Variants in EMCN observed in about 807,000 individuals in gnomAD.
EMCN encodes endomucin.
In EMCN, 37 loss-of-function variants were observed where a neutral mutation model predicts 38.4. That is an observed-to-expected ratio of 0.96 (90% confidence interval 0.74 to 1.27). The LOEUF (loss-of-function observed/expected upper bound fraction) is 1.27. EMCN is among the 50% of genes most tolerant of loss of function. The probability of loss-of-function intolerance (pLI) is 0.00; values close to 1 mark genes in which losing one functional copy is unlikely to be tolerated. For synonymous variants in EMCN, 95 were observed against 100.8 expected, an observed-to-expected ratio of 0.94 and a Z score of 0.35; for missense variants, 318 against 302.8, an observed-to-expected ratio of 1.05 and a Z score of -0.37.
intron 1 of EMCN, among the ~76,000 whole-genome samples, chr4:100,498,677 G>A (rs913784279): frequency 6.6e-6 from 1 of 151,988 alleles, no homozygotes; most frequent in African/African-American, 2.4e-5. Context: ...CCTGACCTCA[G>A]GTGATCCACC....
At position 100,417,952 on chromosome 4, in the gene EMCN, C is replaced by G. The variant is rs1433258; in HGVS notation, c.665-811G>C. Among the ~76,000 whole-genome samples the G allele has an allele frequency of 4.0e-3, 615 of 152,308 alleles. 8 individuals carry two copies. Among genetic ancestry groups the G allele is most frequent in the African/African-American group, 0.014 (583 of 41,578 alleles). On this transcript the variant is annotated intron_variant, in intron 8 of 11. Coordinates refer to ENST00000296420, the MANE Select transcript of EMCN (RefSeq NM_016242.4). ...TCTTAGATTTCCTTTTATATGTAAT[C>G]TAAATCTTGTCATTGAGTATGCCCT...
chr4:100,502,257 A>T (rs1228881185), intron 1 of EMCN, among the ~76,000 whole-genome samples: 1 of 152,184 alleles, frequency 6.6e-6, no homozygotes, highest in Non-Finnish European at 1.5e-5. Flanking sequence ...GGGCCATGTT[A>T]CCTGCACATG....
At chr4:100,402,616 A>C (rs1334840218) in intron 11 of EMCN, among the ~76,000 whole-genome samples, 1 of 152,212 alleles carries the variant, frequency 6.6e-6, no homozygotes, top group Non-Finnish European at 1.5e-5. Flanking sequence ...TCTTCAGAAC[A>C]TCATTATATA....
Position 100,435,599 on chromosome 4 carries a change from G to A in EMCN, c.415+11934C>T, listed in dbSNP as rs570662543. ...TCCTCAGCAAAAAAGAACAAAGCTG[G>A]AGGCATCACCCTACCTGACTTCAAA... On this transcript the variant is annotated intron_variant, in intron 5 of 11. Coordinates refer to ENST00000296420, the MANE Select transcript of EMCN (RefSeq NM_016242.4). 2.0e-5 allele frequency among the ~76,000 whole-genome samples: 3 copies of A among 152,234 alleles called. No homozygotes were observed. The South Asian group carries it at 6.2e-4, about 32-fold the overall frequency.
intron 3 of EMCN, among the ~76,000 whole-genome samples, chr4:100,471,836 T>A (rs1165086334): frequency 6.6e-6 from 1 of 152,000 alleles, no homozygotes; most frequent in Non-Finnish European, 1.5e-5. Context: ...AAAAACATGA[T>A]AATCTCAATA....
In EMCN at chr4:100,460,752, C is replaced by T. The variant is rs1407455095; in HGVS notation, c.376+4671G>A. Among the ~76,000 whole-genome samples the T allele has an allele frequency of 4.6e-5, 7 of 152,166 alleles. No individual in the cohort carries two copies. The East Asian group carries it at 1.3e-3, about 29-fold the overall frequency. ...AACCATTATCAATAGGTTATCTCTT[C>T]ACCCCGTTGATTGTTTCCTTTTCTG... is the stretch of plus-strand genomic sequence containing the variant. On this transcript the variant is annotated intron_variant, in intron 4 of 11. Transcript: ENST00000296420.
At chr4:100,504,392 G>A (rs1254073125) in intron 1 of EMCN, among the ~76,000 whole-genome samples, 1 of 152,166 alleles carries the variant, frequency 6.6e-6, no homozygotes, top group African/African-American at 2.4e-5. Context: ...GCAAGAGACC[G>A]AGGGCACGAA....
intron 5 of EMCN, among the ~76,000 whole-genome samples, chr4:100,437,238 G>T (rs1727380570): frequency 6.6e-6 from 1 of 152,102 alleles, no homozygotes; most frequent in Non-Finnish European, 1.5e-5. Flanking sequence ...TTCACAAAAT[G>T]TCTATTCAGG....
chr4:100,437,600 C>A (rs1036910926), intron 5 of EMCN, among the ~76,000 whole-genome samples: 1 of 152,092 alleles, frequency 6.6e-6, no homozygotes, highest in Non-Finnish European at 1.5e-5. Flanking sequence ...AAGATAGGGT[C>A]CAATTTCATT....
intron 1 of EMCN, among the ~76,000 whole-genome samples, chr4:100,511,598 G>A (rs1729625983): frequency 6.6e-6 from 1 of 152,082 alleles, no homozygotes; most frequent in Non-Finnish European, 1.5e-5. Context: ...AACAGAATCT[G>A]TTTAGAATAT....
chr4:100,506,271 G>C (rs981972940), intron 1 of EMCN, among the ~76,000 whole-genome samples: 3 of 152,122 alleles, frequency 2.0e-5, no homozygotes, highest in Admixed American at 6.5e-5. Context: ...GGCAAGCCTA[G>C]TTAATTGTAG....
At chr4:100,459,578 C>G (rs1194842442) in intron 4 of EMCN, among the ~76,000 whole-genome samples, 1 of 152,062 alleles carries the variant, frequency 6.6e-6, no homozygotes, top group Admixed American at 6.6e-5. Flanking sequence ...TCCCACCCTA[C>G]CCAACTCCCC....
rs1330229880 is a variant in EMCN at position 100,477,963 on chromosome 4, T to C, written c.187+1954A>G. On this transcript the variant is annotated intron_variant, in intron 2 of 11. Coordinates refer to ENST00000296420, the MANE Select transcript of EMCN (RefSeq NM_016242.4). ...TTCTTAAGATAAATTCTCCATCTCCTTTATTACTGTATACTAATTGCGTTG... is the reference window on the plus strand; with the variant it reads ...TTCTTAAGATAAATTCTCCATCTCCCTTATTACTGTATACTAATTGCGTTG... 2.6e-5 allele frequency among the ~76,000 whole-genome samples: 4 copies of C among 152,190 alleles called. No homozygotes were observed. The East Asian group carries it at 7.7e-4, about 29-fold the overall frequency.
intron 5 of EMCN, among the ~76,000 whole-genome samples, chr4:100,443,239 A>T (rs1727571755): frequency 6.6e-6 from 1 of 152,250 alleles, no homozygotes; most frequent in African/African-American, 2.4e-5. Flanking sequence ...TCCGTGTGGT[A>T]CCATGCTTCC....
chr4:100,510,858 A>T (rs77301014), intron 1 of EMCN, among the ~76,000 whole-genome samples: 1 of 152,268 alleles, frequency 6.6e-6, no homozygotes, highest in East Asian at 1.9e-4. Flanking sequence ...TTCTTCTCCA[A>T]GTCCCATATT....
chr4:100,429,352 T>G (rs997925559), intron 5 of EMCN, among the ~76,000 whole-genome samples: 6 of 152,092 alleles, frequency 3.9e-5, no homozygotes, highest in African/African-American at 1.4e-4. Flanking sequence ...AATCCTGGAG[T>G]CTCCTCTAAC....
chr4:100,412,186 G>T (rs2110210701), intron 10 of EMCN, among the ~76,000 whole-genome samples: 1 of 152,200 alleles, frequency 6.6e-6, no homozygotes, highest in East Asian at 1.9e-4. Flanking sequence ...GACAGGGAAG[G>T]GAATGAATGA....
intron 4 of EMCN, among the ~76,000 whole-genome samples, chr4:100,455,509 G>GTTT (rs11432936): frequency 5.2e-5 from 7 of 133,530 alleles, no homozygotes; most frequent in Non-Finnish European, 7.7e-5. Flanking sequence ...AGGGTGAAAA[G>GTTT]TTTTTTTTTT....
intron 1 of EMCN, chr4:100,483,449 T>A (rs193217551): frequency 9.1e-4 from 138 of 152,232 alleles, no homozygotes; most frequent in African/African-American, 3.2e-3. Flanking sequence ...CATGTTTTGC[T>A]CTTATGTAAC....
Sources: gnomAD v4.1 joint callset for allele counts (sites outside exome capture counted in the v4.1 genomes callset) on GRCh38, gnomAD v4.1.1 for gene constraint, MANE v1.5 for transcripts, NCBI Gene and HGNC (gene_info 2026-07-23, HGNC 2026-07-21) for gene names.